Variants in EIF3H observed in about 807,000 individuals in gnomAD.
EIF3H encodes eukaryotic translation initiation factor 3 subunit H, also known as eIF-3-gamma.
EIF3H carries 26 observed loss-of-function variants against 44.2 expected under a neutral mutation model. The observed-to-expected ratio is 0.59, with a 90% confidence interval of 0.43 to 0.82. The LOEUF (loss-of-function observed/expected upper bound fraction) is 0.82. EIF3H is among the 40% of genes least tolerant of loss of function. EIF3H has a pLI of 0.00. For synonymous variants in EIF3H, 166 were observed against 151.9 expected (o/e 1.09, Z -0.68); for missense variants, 359 against 432.8 (o/e 0.83, Z 1.51).
At chr8:116,647,534 G>A (rs1446983269) in intron 6 of EIF3H, among the ~76,000 whole-genome samples, 1 of 152,088 alleles carries the variant, frequency 6.6e-6, no homozygotes, top group Non-Finnish European at 1.5e-5. Flanking sequence ...GAGAAAGCAG[G>A]GATATATATA....
chr8:116,681,010 T>C (rs1451709390), intron 2 of EIF3H, among the ~76,000 whole-genome samples: 2 of 150,276 alleles, frequency 1.3e-5, no homozygotes, highest in South Asian at 2.1e-4. Context: ...GCTTAAATAA[T>C]GATCGTGATG....
At chr8:116,752,752 AGAGGGAGGGAGGGAGGGAGG>A (rs539328331) in intron 1 of EIF3H, among the ~76,000 whole-genome samples, 1,313 of 40,888 alleles carry the variant, frequency 0.032, 60 homozygotes, top group African/African-American at 0.11. Flanking sequence ...AAAGAAAGAA[AGAGGGAGGGAGGGAGGGAGG>A]GAGGGAGGGA....
intron 2 of EIF3H, among the ~76,000 whole-genome samples, chr8:116,694,485 A>G (rs1279745329): frequency 6.6e-6 from 1 of 152,242 alleles, no homozygotes; most frequent in Non-Finnish European, 1.5e-5. Flanking sequence ...TTAGTAAAAA[A>G]ATCATTCATA....
At chr8:116,678,264 G>A (rs542946707) in intron 2 of EIF3H, among the ~76,000 whole-genome samples, 20 of 152,226 alleles carry the variant, frequency 1.3e-4, no homozygotes, top group African/African-American at 4.1e-4. Context: ...CGAGGTGCCG[G>A]GATTGCAGAC....
chr8:116,728,305 G>A (rs1305155693), intron 1 of EIF3H, among the ~76,000 whole-genome samples: 1 of 151,978 alleles, frequency 6.6e-6, no homozygotes, highest in East Asian at 1.9e-4. Context: ...TCATTTTATA[G>A]ATAAGAAAAC....
intron 1 of EIF3H, among the ~76,000 whole-genome samples, chr8:116,735,462 T>C (rs1815018697): frequency 6.6e-6 from 1 of 152,074 alleles, no homozygotes; most frequent in Non-Finnish European, 1.5e-5. Context: ...TGTCTACAAA[T>C]GTTCATGGTA....
At chr8:116,727,454 TAAAG>T (rs752265597) in intron 1 of EIF3H, among the ~76,000 whole-genome samples, 12 of 152,302 alleles carry the variant, frequency 7.9e-5, no homozygotes, top group Non-Finnish European at 1.5e-4. Context: ...ACGCCAGAGA[TAAAG>T]AAGCCAAGTT....
upstream of EIF3H, among the ~76,000 whole-genome samples, chr8:116,758,779 G>C (rs770288519): frequency 4.6e-5 from 7 of 152,114 alleles, no homozygotes; most frequent in Non-Finnish European, 8.8e-5. Flanking sequence ...AGATCAAAGA[G>C]GAAGTCTCCA....
chr8:116,690,341 C>G (rs180809203), intron 2 of EIF3H, among the ~76,000 whole-genome samples: 4 of 151,866 alleles, frequency 2.6e-5, no homozygotes, highest in East Asian at 3.9e-4. Flanking sequence ...CTTTACCCCT[C>G]AACCCCACCA....
intron 2 of EIF3H, among the ~76,000 whole-genome samples, chr8:116,709,924 T>C (rs1034633595): frequency 5.9e-5 from 9 of 152,146 alleles, no homozygotes; most frequent in Admixed American, 6.6e-5. Context: ...AAAAGATGAA[T>C]TGTGAGAGTT....
At chr8:116,762,800 C>T (rs1444983743) in intron 1 of EIF3H, among the ~76,000 whole-genome samples, 1 of 152,098 alleles carries the variant, frequency 6.6e-6, no homozygotes, top group African/African-American at 2.4e-5. Flanking sequence ...AAAAATTAGC[C>T]GGGCATGGTG....
chr8:116,689,301 A>G (rs1425358377), intron 2 of EIF3H, among the ~76,000 whole-genome samples: 1 of 152,138 alleles, frequency 6.6e-6, no homozygotes, highest in Non-Finnish European at 1.5e-5. Flanking sequence ...TTTCTCTTTA[A>G]GCTGCTGAAA....
At chr8:116,728,939 A>G (rs567009701) in intron 1 of EIF3H, among the ~76,000 whole-genome samples, 2 of 152,356 alleles carry the variant, frequency 1.3e-5, no homozygotes, top group East Asian at 3.9e-4. Flanking sequence ...TAAATGACCA[A>G]TATTGTTGAT....
chr8:116,723,303 C>A (rs1814782029), intron 2 of EIF3H, among the ~76,000 whole-genome samples: 1 of 152,096 alleles, frequency 6.6e-6, no homozygotes, highest in Non-Finnish European at 1.5e-5. Context: ...TAATTAAGTA[C>A]CCCCACATAT....
At chr8:116,716,852 T>C (rs1382136035) in intron 2 of EIF3H, among the ~76,000 whole-genome samples, 2 of 152,074 alleles carry the variant, frequency 1.3e-5, no homozygotes, top group Non-Finnish European at 2.9e-5. Flanking sequence ...GGACAACAGA[T>C]TAAAAATCTC....
chr8:116,691,837 A>C (rs1348706270), intron 2 of EIF3H, among the ~76,000 whole-genome samples: 2 of 149,554 alleles, frequency 1.3e-5, no homozygotes, highest in Non-Finnish European at 1.5e-5. Flanking sequence ...ACGCCACTGC[A>C]CTGCAGCCTG....
At chr8:116,723,915 C>A (rs1452660784) in intron 2 of EIF3H, among the ~76,000 whole-genome samples, 1 of 152,098 alleles carries the variant, frequency 6.6e-6, no homozygotes, top group Non-Finnish European at 1.5e-5. Flanking sequence ...AGATTCAATG[C>A]AATACCTATC....
At chr8:116,717,092 T>C (rs970199662) in intron 2 of EIF3H, among the ~76,000 whole-genome samples, 1 of 152,088 alleles carries the variant, frequency 6.6e-6, no homozygotes, top group Non-Finnish European at 1.5e-5. Context: ...TTCTAATATA[T>C]ATCCATATAA....
In EIF3H at chr8:116,740,910, G is replaced by A. The variant is rs372465978; in HGVS notation, c.133-14738C>T. 8.5e-5 allele frequency among the ~76,000 whole-genome samples: 13 copies of A among 152,152 alleles called. No individual in the cohort carries two copies. The East Asian group carries it at 1.4e-3, about 16-fold the overall frequency. ...CCCATACCTTCCTCCTATAAAGACA[G>A]TACCAATCTCAAGCACTGTTGCAAA... On this transcript the variant is annotated intron_variant, in intron 1 of 7. Coordinates refer to ENST00000521861, the MANE Select transcript of EIF3H (RefSeq NM_003756.3).
Sources: allele counts gnomAD v4.1 joint callset (sites outside exome capture counted in the v4.1 genomes callset), GRCh38; gene constraint gnomAD v4.1.1; transcripts MANE v1.5; gene names NCBI Gene and HGNC (gene_info 2026-07-23, HGNC 2026-07-21).